COL6A6: variants seen among roughly 807,000 people sequenced by gnomAD.
COL6A6 encodes collagen alpha-6(VI) chain.
In COL6A6, 183 loss-of-function variants were observed where a neutral mutation model predicts 208.6. The observed-to-expected ratio is 0.88, with a 90% CI of 0.78 to 0.99. The LOEUF (loss-of-function observed/expected upper bound fraction) is 0.99, where lower values mean the gene tolerates loss of function less well. Among genes scored for constraint, COL6A6 ranks in the 50% least tolerant of loss-of-function variants. The pLI is 0.00. For synonymous variants in COL6A6, 973 were observed against 1,011.8 expected, an observed-to-expected ratio of 0.96 and a Z score of 0.73; for missense variants, 2,816 against 2,815.2, an observed-to-expected ratio of 1.00 and a Z score of -0.01.
At chr3:130,609,779 T>C (rs975540723) in intron 22 of COL6A6, among the ~76,000 whole-genome samples, 1 of 152,144 alleles carries the variant, frequency 6.6e-6, no homozygotes, top group Admixed American at 6.6e-5. Context: ...AACTATTATA[T>C]GTTGGCAGCT....
rs978791179 is a variant in COL6A6 at position 130,594,225 on chromosome 3, A to G, written c.4471-56A>G. Reference sequence around the variant, plus strand: ...CAGGGAGAAGAAAAGCTCTGTTTTTATTAATTTTATTAAAACTTCTTGTCT... The same window carrying G: ...CAGGGAGAAGAAAAGCTCTGTTTTTGTTAATTTTATTAAAACTTCTTGTCT... On this transcript the variant is annotated intron_variant, in intron 17 of 36. Transcript: ENST00000358511. The G allele has an allele frequency of 5.8e-5, 75 of 1,289,152 alleles. No homozygotes were observed. The South Asian group carries it at 9.1e-4, about 16-fold the overall frequency. The allele number at this position is 1,289,152 out of a possible 1,614,324, so 79.9% of individuals were successfully genotyped here. A position where few individuals can be genotyped will look rare whatever the true frequency, so the allele number is the denominator to read the frequency against.
chr3:130,649,110 G>T lies in COL6A6; in HGVS notation c.5281G>T (p.Ala1761Ser), dbSNP rs779547490. ...CPVHPTELVF[A>S]LDHSRDVTEQ... ...AGTGCACCCAACCGAGTTGGTGTTT[G>T]CCCTGGACCACTCCCGGGATGTCAC... is the stretch of plus-strand genomic sequence containing the variant. Residue 1761 changes from alanine (A) to serine (S), a missense_variant, in exon 33 of 37, where the codon GCC becomes TCC. Ala to Ser is a moderately conservative substitution (Grantham distance 99). Transcript: ENST00000358511. 3.2e-6 allele frequency: 5 copies of T among 1,576,488 alleles called. No homozygotes were observed. Among genetic ancestry groups the T allele is most frequent in the African/African-American group, 1.4e-5 (1 of 73,966 alleles).
Position 130,590,254 on chromosome 3 carries a change from CATATATATATATATATATAT to C in COL6A6, c.4219-760_4219-741del, listed in dbSNP as rs1299611852. 7.4e-3 allele frequency among the ~76,000 whole-genome samples: 86 copies of C among 11,658 alleles called. 4 individuals are homozygous for C. The highest frequency in any genetic ancestry group is 0.019 in the African/African-American group (60 of 3,216). 7.6% of individuals were successfully genotyped at this position (11,658 alleles called of 152,430 possible). A position where few individuals can be genotyped will look rare whatever the true frequency, so the allele number is the denominator to read the frequency against. ...CTCGAAATTCCATTTCTTTTTTTTT[CATATATATATATATATATAT>C]ATATATATATATATATATATATATA... On this transcript the variant is annotated intron_variant, in intron 12 of 36. Coordinates refer to ENST00000358511, the MANE Select transcript of COL6A6 (RefSeq NM_001102608.3).
At chr3:130,656,866 G>T (rs900769468) in intron 33 of COL6A6, among the ~76,000 whole-genome samples, 1 of 152,248 alleles carries the variant, frequency 6.6e-6, no homozygotes, top group African/African-American at 2.4e-5. Flanking sequence ...ACCTGGCCGG[G>T]TTGCAACAGT....
intron 1 of COL6A6, among the ~76,000 whole-genome samples, chr3:130,530,622 G>C (rs2062059078): frequency 6.6e-6 from 1 of 152,120 alleles, no homozygotes; most frequent in Non-Finnish European, 1.5e-5. Flanking sequence ...TGCCTCACAG[G>C]GTTTTGAAAG....
At chr3:130,578,947 C>A (rs1202956181) in intron 8 of COL6A6, among the ~76,000 whole-genome samples, 1 of 152,172 alleles carries the variant, frequency 6.6e-6, no homozygotes, top group Admixed American at 6.5e-5. Flanking sequence ...AATGTCTACG[C>A]CTTGGGAAAG....
In COL6A6 at chr3:130,592,778, A is replaced by G. The variant is rs536844305; in HGVS notation, c.4371+56A>G. On this transcript the variant is annotated intron_variant, in intron 15 of 36. Transcript: ENST00000358511. ...CCATATGTTATCTAGAAATATTTTT[A>G]TTTTTGAGATTATTTATCAGTAAAT... The G allele has an allele frequency of 9.4e-4, 1,352 of 1,444,744 alleles. 1 individual carries two copies. The highest frequency in any genetic ancestry group is 1.2e-3 in the Non-Finnish European group (1,288 of 1,050,632). 89.5% of individuals were successfully genotyped at this position (1,444,744 alleles called of 1,614,324 possible).
intron 23 of COL6A6, among the ~76,000 whole-genome samples, chr3:130,613,973 T>A (rs78148119): frequency 0.021 from 3,124 of 152,316 alleles, 56 homozygotes; most frequent in Middle Eastern, 0.044. Context: ...AGGGATAGTT[T>A]GACTTCCTTT....
In COL6A6 at chr3:130,568,058, A is replaced by C. The variant is rs751111160; in HGVS notation, c.1855A>C (p.Met619Leu). The part of the protein sequence containing the change: ...EICTEEACKE[M>L]KADIMFLVDS... ...TTTTTCCTATGCAGCTTGCAAAGAG[A>C]TGAAAGCTGACATCATGTTTCTGGT... Residue 619 changes from methionine to leucine, a missense_variant, in exon 6 of 37, where the codon ATG (methionine) becomes CTG (leucine). By Grantham distance (15) the Met-to-Leu change is conservative. Coordinates refer to ENST00000358511, the MANE Select transcript of COL6A6 (RefSeq NM_001102608.3). The C allele has an allele frequency of 2.5e-6, 4 of 1,608,004 alleles. No individual in the cohort carries two copies. The highest frequency in any genetic ancestry group is 3.4e-6 in the Non-Finnish European group (4 of 1,176,962).
At chr3:130,537,177 T>C (rs2062245773) in intron 1 of COL6A6, among the ~76,000 whole-genome samples, 2 of 152,248 alleles carry the variant, frequency 1.3e-5, no homozygotes, top group African/African-American at 2.4e-5. Flanking sequence ...CTGTTTCCCT[T>C]AACACAGTTA....
At chr3:130,565,892 A>G (rs2063008453) in intron 4 of COL6A6, among the ~76,000 whole-genome samples, 1 of 151,790 alleles carries the variant, frequency 6.6e-6, no homozygotes, top group African/African-American at 2.4e-5. Context: ...TTCCTTTGCT[A>G]TTTTTCTCTC....
At chr3:130,626,937 G>A (rs1205698536) in intron 25 of COL6A6, among the ~76,000 whole-genome samples, 1 of 152,110 alleles carries the variant, frequency 6.6e-6, no homozygotes, top group Non-Finnish European at 1.5e-5. Context: ...TTTACTAGTT[G>A]TTTTTGTCTA....
At chr3:130,604,284 G>A (rs1327042004) in intron 20 of COL6A6, among the ~76,000 whole-genome samples, 1 of 152,080 alleles carries the variant, frequency 6.6e-6, no homozygotes, top group East Asian at 1.9e-4. Flanking sequence ...ATGAGGTCAG[G>A]AGATCGAGAC....
intron 26 of COL6A6, 80 bp from the exon 27 acceptor site, chr3:130,634,510 G>A (rs933224554): frequency 2.4e-6 from 3 of 1,270,840 alleles, no homozygotes; most frequent in Admixed American, 2.0e-5. Context: ...ACTACACAGG[G>A]CAGCAGGTAA....
chr3:130,573,870 A>G (rs946399408), intron 7 of COL6A6, 86 bp from the exon 8 acceptor site: 16 of 1,015,518 alleles, frequency 1.6e-5, no homozygotes, highest in Middle Eastern at 3.1e-4. Flanking sequence ...CGCCCGGCCT[A>G]TAGCTGCAAA....
intron 1 of COL6A6, among the ~76,000 whole-genome samples, chr3:130,528,840 C>T (rs1202497279): frequency 6.6e-6 from 1 of 152,174 alleles, no homozygotes; most frequent in Non-Finnish European, 1.5e-5. Flanking sequence ...CCTGTAATCC[C>T]AGCACTTTGG....
Position 130,568,281 on chromosome 3 carries a change from C to A in COL6A6, c.2078C>A (p.Ala693Asp). Residue 693 changes from alanine to aspartate, a missense_variant, in exon 6 of 37, where the codon GCT (alanine) becomes GAT (aspartate). Coordinates refer to ENST00000358511, the MANE Select transcript of COL6A6 (RefSeq NM_001102608.3). ...ATTTCAAATGCAATAGACCAAATGG[C>A]TCACATTGGACAAACCACCCTGACT... ...SDISNAIDQMAHIGQTTLTGS... is the reference protein window; with the variant it reads ...SDISNAIDQMDHIGQTTLTGS... 1 of 1,614,028 alleles carries A rather than the reference C, an allele frequency of 6.2e-7. No individual in the cohort carries two copies. Among genetic ancestry groups the A allele is most frequent in the South Asian group, 1.1e-5 (1 of 91,076 alleles).
intron 20 of COL6A6, among the ~76,000 whole-genome samples, chr3:130,604,211 G>A (rs553179388): frequency 6.6e-6 from 1 of 152,150 alleles, no homozygotes; most frequent in South Asian, 2.1e-4. Context: ...CCAAGTAACT[G>A]GGCCGGGCGT....
intron 29 of COL6A6, 81 bp from the exon 30 acceptor site, chr3:130,642,751 T>C: frequency 7.8e-7 from 1 of 1,282,960 alleles, no homozygotes; most frequent in Non-Finnish European, 1.1e-6. Flanking sequence ...GTTATCACTT[T>C]CTGAGGGCAA....
Sources: allele counts gnomAD v4.1 joint callset (sites outside exome capture counted in the v4.1 genomes callset), GRCh38; gene constraint gnomAD v4.1.1; transcripts MANE v1.5; gene names NCBI Gene and HGNC (gene_info 2026-07-23, HGNC 2026-07-21).